CARNMT1: variants seen among roughly 807,000 people sequenced by gnomAD.
CARNMT1 encodes the protein carnosine N-methyltransferase 1.
CARNMT1 carries 28 observed loss-of-function variants against 49.6 expected under a neutral mutation model. That is an observed-to-expected ratio of 0.56 (90% CI 0.42 to 0.77). CARNMT1 has a LOEUF of 0.77. Ranked by LOEUF, CARNMT1 falls within the 30% of genes least tolerant of loss-of-function variation. The probability of loss-of-function intolerance (pLI) is 0.00; values close to 1 mark genes in which losing one functional copy is unlikely to be tolerated. For synonymous variants in CARNMT1, 178 were observed against 175.0 expected, an observed-to-expected ratio of 1.02 and a Z score of -0.13; for missense variants, 421 against 512.6, an observed-to-expected ratio of 0.82 and a Z score of 1.73.
chr9:74,988,716 C>T (rs1832923963), intron 6 of CARNMT1, among the ~76,000 whole-genome samples: 1 of 152,188 alleles, frequency 6.6e-6, no homozygotes, highest in African/African-American at 2.4e-5. Flanking sequence ...GTCCCACTTA[C>T]AGTGTCTAGC....
chr9:75,003,565 T>C (rs1833424086), intron 3 of CARNMT1, among the ~76,000 whole-genome samples: 1 of 152,278 alleles, frequency 6.6e-6, no homozygotes, highest in Non-Finnish European at 1.5e-5. Context: ...TGCCAACCCC[T>C]GATCTAATAC....
intron 3 of CARNMT1, among the ~76,000 whole-genome samples, chr9:75,008,199 C>T (rs1301943320): frequency 7.1e-6 from 1 of 139,894 alleles, no homozygotes; most frequent in Non-Finnish European, 1.5e-5. Context: ...AAAAAAAACC[C>T]TCATAATGTT....
chr9:74,991,955 A>G (rs1016278463), intron 6 of CARNMT1, among the ~76,000 whole-genome samples: 2 of 152,308 alleles, frequency 1.3e-5, no homozygotes, highest in African/African-American at 4.8e-5. Flanking sequence ...TCAGTCATCT[A>G]TCTTTTAAAG....
chr9:74,999,271 G>C (rs1833288199), intron 4 of CARNMT1, among the ~76,000 whole-genome samples: 1 of 152,094 alleles, frequency 6.6e-6, no homozygotes. Flanking sequence ...TTCCAAAAGA[G>C]GCCACAGAAG....
intron 1 of CARNMT1, among the ~76,000 whole-genome samples, chr9:75,019,780 A>G: frequency 6.6e-6 from 1 of 152,232 alleles, no homozygotes; most frequent in East Asian, 1.9e-4. Context: ...TCTAAAATGT[A>G]TAAAACCAAG....
intron 1 of CARNMT1, among the ~76,000 whole-genome samples, chr9:75,018,052 T>G (rs964459985): frequency 6.6e-6 from 1 of 152,146 alleles, no homozygotes; most frequent in African/African-American, 2.4e-5. Context: ...TAATTTTTAC[T>G]TATATTTACT....
intron 5 of CARNMT1, among the ~76,000 whole-genome samples, chr9:74,998,313 C>T (rs17623732): frequency 0.16 from 24,629 of 152,046 alleles, 2,590 homozygotes; most frequent in Non-Finnish European, 0.24. Flanking sequence ...CACTAATAAC[C>T]TTTCATTTTT....
chr9:75,008,479 A>T (rs1256422886), intron 3 of CARNMT1, among the ~76,000 whole-genome samples: 1 of 151,794 alleles, frequency 6.6e-6, no homozygotes, highest in East Asian at 1.9e-4. Flanking sequence ...TCACAGGTGC[A>T]CTCCACCACG....
At chr9:75,011,225 T>C (rs780823861) in intron 3 of CARNMT1, among the ~76,000 whole-genome samples, 2 of 152,144 alleles carry the variant, frequency 1.3e-5, no homozygotes, top group African/African-American at 2.4e-5. Context: ...GACAAAACAG[T>C]GCAACCCTTA....
intron 6 of CARNMT1, among the ~76,000 whole-genome samples, chr9:74,993,673 T>C (rs1253196524): frequency 1.3e-5 from 2 of 152,128 alleles, no homozygotes; most frequent in East Asian, 3.9e-4. Context: ...CATTTTTCAA[T>C]ATCTAAAGAC....
rs1308351673 is a variant in CARNMT1, at chr9:74,983,253, A to AG, written c.*513_*514insC. On this transcript the variant is annotated 3_prime_UTR_variant, in exon 8 of 8. Coordinates refer to ENST00000376834, the MANE Select transcript of CARNMT1 (RefSeq NM_152420.3). The stretch of plus-strand genomic sequence containing the variant: ...CAGAGCGGGATCCTGTCTCTGAAGA[A>AG]AAAAAAAAAAAAAGACATATTTTAC... 2 of 149,814 alleles carry AG rather than the reference A, an allele frequency of 1.3e-5. No individual in the cohort carries two copies. The highest frequency in any genetic ancestry group is 3.0e-5 in the Non-Finnish European group (2 of 67,318). 9.3% of individuals were successfully genotyped at this position (149,814 alleles called of 1,614,324 possible).
Position 75,007,728 on chromosome 9 carries a change from C to CAA in CARNMT1, c.591-7860_591-7859dup, listed in dbSNP as rs201573769. ...TGGGTGACAGAGCGAGACCCTGTCT[C>CAA]AAAAAAATAAAAATAATAAAAAAAA... On this transcript the variant is annotated intron_variant, in intron 3 of 7. Coordinates refer to ENST00000376834, the MANE Select transcript of CARNMT1 (RefSeq NM_152420.3). 9.9e-4 allele frequency among the ~76,000 whole-genome samples: 79 copies of CAA among 79,918 alleles called. 2 individuals are homozygous for CAA. The highest frequency in any genetic ancestry group is 2.1e-3 in the African/African-American group (51 of 24,174). 52.4% of individuals were successfully genotyped at this position (79,918 alleles called of 152,430 possible). A position where few individuals can be genotyped will look rare whatever the true frequency, so the allele number is the denominator to read the frequency against.
intron 6 of CARNMT1, among the ~76,000 whole-genome samples, chr9:74,989,213 G>C (rs1587653932): frequency 6.6e-6 from 1 of 152,108 alleles, no homozygotes; most frequent in Non-Finnish European, 1.5e-5. Flanking sequence ...CTGGGCTCCA[G>C]TGATCCTCCC....
intron 1 of CARNMT1, 79 bp downstream of exon 1, chr9:75,027,933 G>A: frequency 7.1e-7 from 1 of 1,403,696 alleles, no homozygotes; most frequent in Non-Finnish European, 9.3e-7. Flanking sequence ...GGGACGGCGA[G>A]CGCCCCCGTT....
chr9:74,992,203 C>CA (rs1438355176), intron 6 of CARNMT1, among the ~76,000 whole-genome samples: 1 of 151,460 alleles, frequency 6.6e-6, no homozygotes, highest in Non-Finnish European at 1.5e-5. Context: ...ACCCAGGAGA[C>CA]AGAGGTTGCA....
intron 3 of CARNMT1, among the ~76,000 whole-genome samples, chr9:75,011,454 T>C (rs1833688010): frequency 6.6e-6 from 1 of 152,136 alleles, no homozygotes; most frequent in Non-Finnish European, 1.5e-5. Context: ...AACTTTGAAT[T>C]CCTGGGCTCA....
intron 6 of CARNMT1, among the ~76,000 whole-genome samples, chr9:74,985,307 C>A (rs545247690): frequency 6.6e-6 from 1 of 152,296 alleles, no homozygotes; most frequent in South Asian, 2.1e-4. Context: ...AATGCTAAGT[C>A]CTCAAATTCC....
At chr9:75,027,607 G>T in intron 1 of CARNMT1, 2 of 304,918 alleles carry the variant, frequency 6.6e-6, no homozygotes, top group Non-Finnish European at 9.6e-6. Flanking sequence ...GGCTCTCCGT[G>T]TGTTCAGTTT....
chr9:74,990,430 G>A (rs1033678600), intron 6 of CARNMT1, among the ~76,000 whole-genome samples: 5 of 152,144 alleles, frequency 3.3e-5, no homozygotes, highest in African/African-American at 1.2e-4. Flanking sequence ...GTGTTGCATT[G>A]GAACTAAAGT....
Sources: gnomAD v4.1 joint callset for allele counts (sites outside exome capture counted in the v4.1 genomes callset) on GRCh38, gnomAD v4.1.1 for gene constraint, MANE v1.5 for transcripts, NCBI Gene and HGNC (gene_info 2026-07-23, HGNC 2026-07-21) for gene names.